The following WDR33 variants were observed in gnomAD, a reference collection of about 807,000 sequenced individuals.
WDR33 encodes WD repeat domain 33, also known as pre-mRNA 3' end processing protein WDR33.
WDR33 carries 47 observed loss-of-function variants against 164.9 expected under a neutral mutation model. The ratio of observed to expected loss-of-function variants is 0.29; its 90% CI spans 0.23 to 0.36. WDR33 has a LOEUF of 0.36. WDR33 is among the 10% of genes least tolerant of loss of function. The probability of loss-of-function intolerance (pLI) is 1.00; values close to 1 mark genes in which losing one functional copy is unlikely to be tolerated. For missense variants in WDR33, 1,137 were observed against 1,754.1 expected, an observed-to-expected ratio of 0.65 and a Z score of 6.28; for synonymous variants, 505 against 589.0, an observed-to-expected ratio of 0.86 and a Z score of 2.06.
intron 1 of WDR33, among the ~76,000 whole-genome samples, chr2:127,797,911 G>A (rs1488934134): frequency 1.3e-5 from 2 of 152,006 alleles, no homozygotes; most frequent in African/African-American, 2.4e-5. Context: ...CTACTCAGGG[G>A]GCTGAAGCAG....
intron 1 of WDR33, among the ~76,000 whole-genome samples, chr2:127,775,817 A>T (rs1023424878): frequency 6.6e-6 from 1 of 152,166 alleles, no homozygotes; most frequent in Admixed American, 6.5e-5. Context: ...TCCTTGAATG[A>T]TCAAGTACCA....
Position 127,771,003 on chromosome 2 carries a change from T to C in WDR33, c.-22A>G, listed in dbSNP as rs1370856965. The C allele has an allele frequency of 6.2e-7, 1 of 1,610,670 alleles. No individual in the cohort carries two copies. Among genetic ancestry groups the C allele is most frequent in the African/African-American group, 1.3e-5 (1 of 74,792 alleles). ...CCATGGTGATGTTTTCCTTCTAGGA[T>C]ACTAGGATAAGGAAAAAGTACTTTC... On this transcript the variant is annotated splice_region_variant and 5_prime_UTR_variant, in exon 2 of 22. Coordinates refer to ENST00000322313, the MANE Select transcript of WDR33 (RefSeq NM_018383.5).
chr2:127,731,248 T>C (rs1333863054), intron 7 of WDR33, among the ~76,000 whole-genome samples: 2 of 127,112 alleles, frequency 1.6e-5, no homozygotes, highest in Non-Finnish European at 3.1e-5. Flanking sequence ...TGAGCCAAGA[T>C]CACGCCACTG....
chr2:127,778,825 A>G (rs910986699), intron 1 of WDR33, among the ~76,000 whole-genome samples: 28 of 152,204 alleles, frequency 1.8e-4, no homozygotes, highest in African/African-American at 6.5e-4. Flanking sequence ...CCAACCAAAC[A>G]TAATTCAAAA....
At position 127,735,896 on chromosome 2, in the gene WDR33, G is replaced by T; in HGVS notation, c.725-9119C>A. The T allele has an allele frequency of 1.0e-6, 1 of 985,436 alleles. No homozygotes were observed. The highest frequency in any genetic ancestry group is 4.7e-5 in the South Asian group (1 of 21,284). 61.0% of individuals were successfully genotyped at this position (985,436 alleles called of 1,614,324 possible). On this transcript the variant is annotated intron_variant, in intron 7 of 21. Transcript: ENST00000322313. This position sits in a 1 kb window ranked among gnomAD's most constrained non-coding sequence, Gnocchi z 4.3. The stretch of plus-strand genomic sequence containing the variant: ...TACTATTAGTCATCTTTGTTGTCCA[G>T]TCTAGAAAGTTACATCAGTGAAAAA...
chr2:127,741,377 TG>T lies in WDR33; in HGVS notation c.725-14601del, dbSNP rs1468304622. On this transcript the variant is annotated intron_variant, in intron 7 of 21. Transcript: ENST00000322313. This position sits in a 1 kb window ranked among gnomAD's most constrained non-coding sequence, Gnocchi z 4.1. ...GAAAGATGGCAGTTCCACTTAAGAG[TG>T]GAATAAACTTAAGCACTCCACCTCA... is the stretch of plus-strand genomic sequence containing the variant. Among the ~76,000 whole-genome samples, 1 of 151,504 alleles carries T rather than the reference TG, an allele frequency of 6.6e-6. No individual in the cohort carries two copies. The highest frequency in any genetic ancestry group is 1.9e-4 in the East Asian group (1 of 5,186).
chr2:127,775,750 C>A (rs77066338), intron 1 of WDR33, among the ~76,000 whole-genome samples: 2,206 of 152,188 alleles, frequency 0.014, 19 homozygotes, highest in East Asian at 0.029. Flanking sequence ...GGGAAATAAT[C>A]TTTCCATTTA....
At chr2:127,796,360 C>T (rs1436411098) in intron 1 of WDR33, among the ~76,000 whole-genome samples, 1 of 151,934 alleles carries the variant, frequency 6.6e-6, no homozygotes, top group Non-Finnish European at 1.5e-5. Flanking sequence ...GGGCATAAAC[C>T]ACCACACCTG....
In WDR33 at chr2:127,703,251, C is replaced by T. The variant is rs1573869571; in HGVS notation, c.*3072G>A. 1 of 167,190 alleles carries T rather than the reference C, an allele frequency of 6.0e-6. No homozygotes were observed. Among genetic ancestry groups the T allele is most frequent in the East Asian group, 1.9e-4 (1 of 5,192 alleles). The allele number at this position is 167,190 out of a possible 1,614,324, so 10.4% of individuals were successfully genotyped here. A position where few individuals can be genotyped will look rare whatever the true frequency, so the allele number is the denominator to read the frequency against. On this transcript the variant is annotated 3_prime_UTR_variant, in exon 22 of 22. Coordinates refer to ENST00000322313, the MANE Select transcript of WDR33 (RefSeq NM_018383.5). The stretch of plus-strand genomic sequence containing the variant: ...ACATCAGTTACTTGAAGAGCCACAC[C>T]TCAGATCAATGCAGTCAGAACCTGG...
intron 1 of WDR33, among the ~76,000 whole-genome samples, chr2:127,797,275 T>C (rs1046264253): frequency 4.6e-5 from 7 of 151,884 alleles, no homozygotes; most frequent in Admixed American, 2.0e-4. Flanking sequence ...AGGCAGATCA[T>C]GAGGTCAGAA....
At chr2:127,786,669 G>A (rs1688585089) in intron 1 of WDR33, among the ~76,000 whole-genome samples, 1 of 152,094 alleles carries the variant, frequency 6.6e-6, no homozygotes, top group Non-Finnish European at 1.5e-5. Flanking sequence ...GGGCAAAACA[G>A]CAAGACTCTG....
chr2:127,783,141 C>T (rs1688433042), intron 1 of WDR33, among the ~76,000 whole-genome samples: 1 of 152,154 alleles, frequency 6.6e-6, no homozygotes. Context: ...GTACTACTCC[C>T]CCATGCATAC....
chr2:127,742,611 G>A (rs1054383540), intron 7 of WDR33, among the ~76,000 whole-genome samples: 6 of 150,454 alleles, frequency 4.0e-5, no homozygotes, highest in Non-Finnish European at 7.4e-5. Context: ...AGTATTCCAG[G>A]AGACAAACAG....
chr2:127,725,281 TG>T, intron 8 of WDR33, 66 bp from the exon 9 acceptor site: 1 of 1,488,758 alleles, frequency 6.7e-7, no homozygotes, highest in African/African-American at 1.4e-5. Flanking sequence ...TGGCCATTTT[TG>T]TTGAAAAGCG....
rs1464068408 is a variant in WDR33 at position 127,705,287 on chromosome 2, C to T, written c.*1036G>A. ...CTGAATTTTTGGCTTCCAATCCAAA[C>T]TGGGCTAAATGGTATGTTTATTTTA... On this transcript the variant is annotated 3_prime_UTR_variant, in exon 22 of 22. Coordinates refer to ENST00000322313, the MANE Select transcript of WDR33 (RefSeq NM_018383.5). The surrounding 1 kb of genome is among the most constrained non-coding windows in gnomAD (Gnocchi z 4.5). 1 of 166,212 alleles carries T rather than the reference C, an allele frequency of 6.0e-6. No homozygotes were observed. The highest frequency in any genetic ancestry group is 1.5e-5 in the Non-Finnish European group (1 of 68,118). 10.3% of individuals were successfully genotyped at this position (166,212 alleles called of 1,614,324 possible).
chr2:127,793,396 A>G (rs1292509498), intron 1 of WDR33, among the ~76,000 whole-genome samples: 1 of 151,884 alleles, frequency 6.6e-6, no homozygotes, highest in African/African-American at 2.4e-5. Context: ...ATACCACTGC[A>G]CTCCAGCCTA....
chr2:127,736,225 TTAC>T (rs1686836715), intron 7 of WDR33: 1 of 985,326 alleles, frequency 1.0e-6, no homozygotes, highest in Admixed American at 6.1e-5. Context: ...AAACACTAGC[TTAC>T]TACATTTGTC....
At chr2:127,800,046 G>T (rs1179866545) in intron 1 of WDR33, among the ~76,000 whole-genome samples, 1 of 152,130 alleles carries the variant, frequency 6.6e-6, no homozygotes, top group Non-Finnish European at 1.5e-5. Context: ...AAAGAATAGT[G>T]GTTGTTAGGC....
chr2:127,740,293 A>T (rs1003742183), intron 7 of WDR33, among the ~76,000 whole-genome samples: 1 of 152,164 alleles, frequency 6.6e-6, no homozygotes, highest in Non-Finnish European at 1.5e-5. Flanking sequence ...CTGGGCCACC[A>T]GCGTTGGCAC....
Sources: gnomAD v4.1 joint callset for allele counts (sites outside exome capture counted in the v4.1 genomes callset) on GRCh38, gnomAD v4.1.1 for gene constraint, Gnocchi (gnomAD v3.1) non-coding constraint, MANE v1.5 for transcripts, NCBI Gene and HGNC (gene_info 2026-07-23, HGNC 2026-07-21) for gene names.